PCDHA5: variants seen among roughly 807,000 people sequenced by gnomAD.
The protein encoded by PCDHA5 is protocadherin alpha 5.
PCDHA5 carries 43 observed loss-of-function variants against 61.6 expected under a neutral mutation model. That is an observed-to-expected ratio of 0.70 (90% confidence interval 0.55 to 0.90). The LOEUF (loss-of-function observed/expected upper bound fraction) is 0.90. Among genes scored for constraint, PCDHA5 ranks in the 40% least tolerant of loss-of-function variants. The pLI is 0.00. For missense variants in PCDHA5, 1,298 were observed against 1,222.7 expected, an observed-to-expected ratio of 1.06 and a Z score of -0.92; for synonymous variants, 627 against 543.9, an observed-to-expected ratio of 1.15 and a Z score of -2.13.
At chr5:140,923,373 T>A (rs1354356076) in intron 1 of PCDHA5, among the ~76,000 whole-genome samples, 4 of 152,048 alleles carry the variant, frequency 2.6e-5, no homozygotes, top group South Asian at 2.1e-4. Flanking sequence ...AAAATATTTT[T>A]AAAAATTAGT....
intron 1 of PCDHA5, among the ~76,000 whole-genome samples, chr5:140,895,392 C>T (rs983338513): frequency 6.6e-5 from 10 of 152,148 alleles, no homozygotes; most frequent in African/African-American, 2.4e-4. Context: ...CAATTCTCAA[C>T]ACCATCAAAA....
intron 3 of PCDHA5, among the ~76,000 whole-genome samples, chr5:140,990,310 C>A (rs1371432693): frequency 3.9e-5 from 6 of 152,110 alleles, no homozygotes; most frequent in African/African-American, 1.2e-4. Context: ...CTGTAAAAAA[C>A]CAACCAAACA....
At chr5:140,829,177 C>T in intron 1 of PCDHA5, 2 of 1,614,106 alleles carry the variant, frequency 1.2e-6, no homozygotes, top group South Asian at 1.1e-5. Flanking sequence ...TACGTGAAGA[C>T]GCTCAATTTG....
chr5:140,856,185 G>C, intron 1 of PCDHA5: 1 of 1,598,160 alleles, frequency 6.3e-7, no homozygotes. Context: ...TTCGTGGGCC[G>C]CATCGCGCAG....
chr5:140,871,278 G>T (rs782014542), intron 1 of PCDHA5: 3 of 1,613,918 alleles, frequency 1.9e-6, no homozygotes, highest in East Asian at 4.5e-5. Flanking sequence ...GGTCGGCAAC[G>T]CCCACTGAGG....
rs1205449386 is a variant in PCDHA5 at position 140,856,525 on chromosome 5, G to A, written c.2352+32398G>A. The A allele has an allele frequency of 2.5e-6, 4 of 1,598,294 alleles. 1 individual carries two copies. The highest frequency in any genetic ancestry group is 8.6e-7 in the Non-Finnish European group (1 of 1,167,878). On this transcript the variant is annotated intron_variant, in intron 1 of 3. Transcript: ENST00000529859. ...TTCCACTAGAAGGCGCATCTGATGC[G>A]GATGTTGGAGAGAACGCATTGCTTA... is the stretch of plus-strand genomic sequence containing the variant.
chr5:140,837,715 C>T (rs894661038), intron 1 of PCDHA5, among the ~76,000 whole-genome samples: 4 of 151,402 alleles, frequency 2.6e-5, no homozygotes, highest in Admixed American at 1.3e-4. Context: ...ACTCCATCAC[C>T]CAGGCTGCTG....
intron 1 of PCDHA5, among the ~76,000 whole-genome samples, chr5:140,873,786 G>A (rs1354744282): frequency 3.3e-5 from 5 of 152,056 alleles, no homozygotes; most frequent in Non-Finnish European, 7.4e-5. Flanking sequence ...TCAGCTTTCC[G>A]AGAAGCTGGG....
chr5:140,857,982 G>C lies in PCDHA5; in HGVS notation c.2352+33855G>C, dbSNP rs782329809. The C allele has an allele frequency of 6.9e-6, 11 of 1,596,698 alleles. No individual in the cohort carries two copies. In the Admixed American group the frequency reaches 1.9e-4, roughly 27 times the overall value. ...GATGAGACTGACTCGCCACGCCAGC[G>C]CCTACTGGTGCTGGTGAAGGACCAT... On this transcript the variant is annotated intron_variant, in intron 1 of 3. Transcript: ENST00000529859.
At position 140,869,037 on chromosome 5, in the gene PCDHA5, C is replaced by T. The variant is rs547872988; in HGVS notation, c.2352+44910C>T. 8.6e-5 allele frequency: 132 copies of T among 1,528,404 alleles called. No individual in the cohort carries two copies. In the East Asian group the frequency reaches 2.7e-3, roughly 31 times the overall value. The allele number at this position is 1,528,404 out of a possible 1,614,324, so 94.7% of individuals were successfully genotyped here. ...CTTAAGAATTCAACGAGATTTTTAA[C>T]CTGAAACTGAAGAATCTGGTACTGT... On this transcript the variant is annotated intron_variant, in intron 1 of 3. Coordinates refer to ENST00000529859, the MANE Select transcript of PCDHA5 (RefSeq NM_018908.3).
intron 1 of PCDHA5, chr5:140,850,066 A>G (rs1554143711): frequency 6.3e-7 from 1 of 1,596,292 alleles, no homozygotes; most frequent in African/African-American, 1.3e-5. Flanking sequence ...CAGCCGTTGG[A>G]CCACGAGGAG....
chr5:140,834,543 C>T, intron 1 of PCDHA5: 4 of 1,614,084 alleles, frequency 2.5e-6, no homozygotes, highest in Non-Finnish European at 3.4e-6. Flanking sequence ...GGACCTGGGG[C>T]TGGAGCTGGC....
rs2150486474 is a variant in PCDHA5, at chr5:140,850,498, C to T, written c.2352+26371C>T. On this transcript the variant is annotated intron_variant, in intron 1 of 3. Coordinates refer to ENST00000529859, the MANE Select transcript of PCDHA5 (RefSeq NM_018908.3). ...ACGGCCACGGCCACTGTGCTGGTGTCGCTGGTGGAGAGCGGCCAGGCGCCA... is the reference window on the plus strand; with the variant it reads ...ACGGCCACGGCCACTGTGCTGGTGTTGCTGGTGGAGAGCGGCCAGGCGCCA... 30 of 1,598,138 alleles carry T rather than the reference C, an allele frequency of 1.9e-5. 3 individuals are homozygous for T. Among genetic ancestry groups the T allele is most frequent in the Non-Finnish European group, 2.6e-5 (30 of 1,167,764 alleles).
At chr5:140,924,484 A>G (rs1198741385) in intron 1 of PCDHA5, among the ~76,000 whole-genome samples, 1 of 152,184 alleles carries the variant, frequency 6.6e-6, no homozygotes, top group Non-Finnish European at 1.5e-5. Flanking sequence ...TTTTAGTGGA[A>G]CACTGGCATT....
intron 3 of PCDHA5, among the ~76,000 whole-genome samples, chr5:140,986,736 A>G (rs1056820843): frequency 1.3e-5 from 2 of 152,206 alleles, no homozygotes; most frequent in Non-Finnish European, 2.9e-5. Flanking sequence ...TCAAGACCCC[A>G]GGGGATCTGG....
chr5:141,006,233 A>G (rs1311441986), intron 3 of PCDHA5, among the ~76,000 whole-genome samples: 2 of 151,044 alleles, frequency 1.3e-5, no homozygotes, highest in African/African-American at 4.9e-5. Flanking sequence ...TTATTTTTAG[A>G]TGGAGTCTTG....
At chr5:140,883,343 A>G in intron 1 of PCDHA5, 1 of 1,614,142 alleles carries the variant, frequency 6.2e-7, no homozygotes, top group Non-Finnish European at 8.5e-7. Context: ...GTCACTCCCC[A>G]TCAGAGAAGA....
chr5:140,853,313 T>C lies in PCDHA5; in HGVS notation c.2352+29186T>C, dbSNP rs1581310278. The C allele has an allele frequency of 3.0e-6, 3 of 984,212 alleles. 1 individual carries two copies. Among genetic ancestry groups the C allele is most frequent in the Non-Finnish European group, 1.2e-6 (1 of 816,620 alleles). 61.0% of individuals were successfully genotyped at this position (984,212 alleles called of 1,614,324 possible). A position where few individuals can be genotyped will look rare whatever the true frequency, so the allele number is the denominator to read the frequency against. On this transcript the variant is annotated intron_variant, in intron 1 of 3. Transcript: ENST00000529859. ...CTCAGAAGGGCTGTGAACACCTTAG[T>C]AATAAATTTATCTTTTGAGGTCATT...
intron 1 of PCDHA5, among the ~76,000 whole-genome samples, chr5:140,902,675 C>G (rs1554190566): frequency 1.3e-5 from 2 of 152,154 alleles, no homozygotes; most frequent in Admixed American, 1.3e-4. Flanking sequence ...GCAGTGTACA[C>G]CGTACCTAAT....
Sources: gnomAD v4.1 joint callset for allele counts (sites outside exome capture counted in the v4.1 genomes callset) on GRCh38, gnomAD v4.1.1 for gene constraint, MANE v1.5 for transcripts, NCBI Gene and HGNC (gene_info 2026-07-23, HGNC 2026-07-21) for gene names.